CCDC146: variants seen among roughly 807,000 people sequenced by gnomAD.
CCDC146 encodes the protein coiled-coil domain-containing protein 146.
A neutral mutation model predicts 119.3 loss-of-function variants in CCDC146; 92 were observed. The ratio of observed to expected loss-of-function variants is 0.77; its 90% CI spans 0.65 to 0.92. CCDC146 has a LOEUF of 0.92. CCDC146 is among the 40% of genes least tolerant of loss of function. CCDC146 has a pLI of 0.00. For synonymous variants in CCDC146, 372 were observed against 371.8 expected, an observed-to-expected ratio of 1.00 and a Z score of -0.01; for missense variants, 1,000 against 1,103.0, an observed-to-expected ratio of 0.91 and a Z score of 1.32.
At chr7:77,151,552 A>T (rs73371561) in intron 1 of CCDC146, among the ~76,000 whole-genome samples, 1,662 of 152,306 alleles carry the variant, frequency 0.011, 23 homozygotes, top group African/African-American at 0.038. Context: ...CAACGTTTGT[A>T]AAATCTCATT....
At chr7:77,279,817 ATCT>A (rs1281184409) in intron 13 of CCDC146, among the ~76,000 whole-genome samples, 1 of 152,182 alleles carries the variant, frequency 6.6e-6, no homozygotes, top group African/African-American at 2.4e-5. Flanking sequence ...ATGTGCCAAG[ATCT>A]TCTGGACTCT....
intron 17 of CCDC146, among the ~76,000 whole-genome samples, chr7:77,288,067 C>A (rs1309307227): frequency 2.0e-5 from 3 of 152,126 alleles, no homozygotes; most frequent in African/African-American, 4.8e-5. Context: ...GAGGAAAGGC[C>A]AGGAATACAG....
chr7:77,184,661 G>A (rs566377478), intron 2 of CCDC146, among the ~76,000 whole-genome samples: 309 of 152,256 alleles, frequency 2.0e-3, no homozygotes, highest in African/African-American at 7.2e-3. Flanking sequence ...AGCAAATTCT[G>A]CCATGTAACC....
chr7:77,191,719 T>C (rs187635185), intron 2 of CCDC146, among the ~76,000 whole-genome samples: 75 of 152,042 alleles, frequency 4.9e-4, no homozygotes, highest in Admixed American at 1.5e-3. Context: ...CCATCCTGGC[T>C]AACACGGTGA....
chr7:77,252,458 GT>G (rs575785231), intron 4 of CCDC146, among the ~76,000 whole-genome samples: 20 of 152,316 alleles, frequency 1.3e-4, no homozygotes, highest in African/African-American at 4.6e-4. Flanking sequence ...TGACGCTCAT[GT>G]TTATAATTTT....
intron 1 of CCDC146, among the ~76,000 whole-genome samples, chr7:77,139,531 T>C (rs1054968194): frequency 5.9e-5 from 9 of 152,252 alleles, no homozygotes; most frequent in Non-Finnish European, 1.3e-4. Context: ...GTGATTATGA[T>C]GTGTCAATGT....
chr7:77,280,250 A>G (rs1793739086), intron 13 of CCDC146, among the ~76,000 whole-genome samples, 179 bp from the exon 14 acceptor site: 1 of 152,194 alleles, frequency 6.6e-6, no homozygotes, highest in African/African-American at 2.4e-5. Context: ...GAGACCTGGA[A>G]GGATTATGAA....
rs183595749 is a variant in CCDC146 at position 77,233,371 on chromosome 7, C to T, written c.157-3576C>T. On this transcript the variant is annotated intron_variant, in intron 2 of 18. Coordinates refer to ENST00000285871, the MANE Select transcript of CCDC146 (RefSeq NM_020879.3). ...CCTCCTAAAGTGCTGGGATTACAGA[C>T]GTGAGCCACAGTGCCCGGCCAAATC... is the stretch of plus-strand genomic sequence containing the variant. Among the ~76,000 whole-genome samples, 680 of 152,254 alleles carry T rather than the reference C, an allele frequency of 4.5e-3. 6 individuals are homozygous for T. Among genetic ancestry groups the T allele is most frequent in the African/African-American group, 0.015 (637 of 41,562 alleles).
At chr7:77,230,212 G>T (rs1234279562) in intron 2 of CCDC146, among the ~76,000 whole-genome samples, 2 of 151,864 alleles carry the variant, frequency 1.3e-5, no homozygotes, top group East Asian at 1.9e-4. Flanking sequence ...CTTGTAGGTT[G>T]TTTCTCTTTT....
At chr7:77,129,329 A>G (rs1320333879) in intron 1 of CCDC146, among the ~76,000 whole-genome samples, 4 of 151,968 alleles carry the variant, frequency 2.6e-5, no homozygotes, top group Non-Finnish European at 5.9e-5. Context: ...AGTAACCCTT[A>G]TTTTACTTAA....
intron 2 of CCDC146, among the ~76,000 whole-genome samples, chr7:77,175,426 G>A (rs1451188059): frequency 2.8e-4 from 42 of 149,582 alleles, no homozygotes; most frequent in Non-Finnish European, 4.1e-4. Flanking sequence ...GGGAAACACC[G>A]AGGAAGTAAA....
chr7:77,223,547 A>C (rs1429912813), intron 2 of CCDC146, among the ~76,000 whole-genome samples: 2 of 152,244 alleles, frequency 1.3e-5, no homozygotes, highest in Non-Finnish European at 2.9e-5. Flanking sequence ...AAGAGCTGTG[A>C]GCAAGGCAGC....
intron 2 of CCDC146, among the ~76,000 whole-genome samples, chr7:77,220,699 T>C (rs569049961): frequency 6.6e-6 from 1 of 152,338 alleles, no homozygotes; most frequent in African/African-American, 2.4e-5. Flanking sequence ...TTTGTTAGGA[T>C]TCAAATACTC....
intron 11 of CCDC146, among the ~76,000 whole-genome samples, chr7:77,276,452 T>G (rs1793642269): frequency 6.6e-6 from 1 of 152,148 alleles, no homozygotes; most frequent in Non-Finnish European, 1.5e-5. Flanking sequence ...CCCCTTTCAC[T>G]GTTTATTTTT....
chr7:77,232,664 G>C (rs1162000312), intron 2 of CCDC146, among the ~76,000 whole-genome samples: 1 of 152,178 alleles, frequency 6.6e-6, no homozygotes, highest in African/African-American at 2.4e-5. Context: ...TGGGGATATG[G>C]GGAACTCTGA....
At chr7:77,227,755 C>T (rs1021927512) in intron 2 of CCDC146, among the ~76,000 whole-genome samples, 1 of 152,204 alleles carries the variant, frequency 6.6e-6, no homozygotes, top group African/African-American at 2.4e-5. Flanking sequence ...CTAATTCCCT[C>T]TTGTTTACAG....
chr7:77,227,278 C>T (rs958504866), intron 2 of CCDC146, among the ~76,000 whole-genome samples: 1 of 152,136 alleles, frequency 6.6e-6, no homozygotes, highest in Admixed American at 6.5e-5. Flanking sequence ...CCTTGGCCCA[C>T]CTACAATTAG....
intron 4 of CCDC146, among the ~76,000 whole-genome samples, chr7:77,253,447 A>G (rs1793116972): frequency 6.6e-6 from 1 of 152,232 alleles, no homozygotes; most frequent in Non-Finnish European, 1.5e-5. Context: ...CTGGATGTAG[A>G]AGAATGTGGT....
At chr7:77,245,445 C>G (rs553085628) in intron 4 of CCDC146, among the ~76,000 whole-genome samples, 2 of 152,176 alleles carry the variant, frequency 1.3e-5, no homozygotes, top group Non-Finnish European at 2.9e-5. Context: ...ACAGCAAATA[C>G]GTTGCGTCTT....
Sources: allele counts gnomAD v4.1 joint callset (sites outside exome capture counted in the v4.1 genomes callset), GRCh38; gene constraint gnomAD v4.1.1; transcripts MANE v1.5; gene names NCBI Gene and HGNC (gene_info 2026-07-23, HGNC 2026-07-21).